Variants in PDXDC1 observed in about 807,000 individuals in gnomAD.
PDXDC1 encodes pyridoxal dependent decarboxylase domain containing 1.
A neutral mutation model predicts 100.1 loss-of-function variants in PDXDC1; 42 were observed. The observed-to-expected ratio is 0.42, with a 90% CI of 0.33 to 0.54. PDXDC1 has a LOEUF of 0.54. Among genes scored for constraint, PDXDC1 ranks in the 20% least tolerant of loss-of-function variants. The probability of loss-of-function intolerance (pLI) is 0.10; values close to 1 mark genes in which losing one functional copy is unlikely to be tolerated. For synonymous variants in PDXDC1, 260 were observed against 371.7 expected (o/e 0.70, Z 3.46); for missense variants, 636 against 979.2 (o/e 0.65, Z 4.68).
intron 16 of PDXDC1, among the ~76,000 whole-genome samples, chr16:15,082,144 C>T (rs1219774927): frequency 1.3e-5 from 2 of 152,154 alleles, no homozygotes; most frequent in Admixed American, 6.5e-5. Flanking sequence ...CAAGAGCGGA[C>T]ATCCTTGTTT....
the PDXDC1 span, among the ~76,000 whole-genome samples, chr16:15,150,424 G>C: frequency 1.3e-5 from 2 of 151,126 alleles, 1 homozygote; most frequent in South Asian, 4.2e-4. Flanking sequence ...CAGCACTTCG[G>C]GAGGCCGAGG....
At chr16:14,988,731 T>C in intron 1 of PDXDC1, 1 of 1,613,840 alleles carries the variant, frequency 6.2e-7, no homozygotes, top group Non-Finnish European at 8.5e-7. Context: ...ATAGCTGTTC[T>C]GCAGCACGTC....
chr16:15,001,378 A>G (rs1597405769), intron 3 of PDXDC1, among the ~76,000 whole-genome samples: 2 of 152,092 alleles, frequency 1.3e-5, no homozygotes, highest in Admixed American at 1.3e-4. Context: ...AATCTCAGCT[A>G]CTCAGGAGGC....
intron 12 of PDXDC1, among the ~76,000 whole-genome samples, chr16:15,021,319 G>A (rs547855077): frequency 2.8e-4 from 43 of 152,318 alleles, no homozygotes; most frequent in African/African-American, 9.4e-4. Flanking sequence ...CAAGGTTGCC[G>A]TGAGCCCAAA....
chr16:15,050,973 G>C (rs1164772156), intron 16 of PDXDC1, among the ~76,000 whole-genome samples: 16 of 152,190 alleles, frequency 1.1e-4, no homozygotes, highest in Non-Finnish European at 1.5e-5. Flanking sequence ...AAACAGGTGT[G>C]ACTGCTCTAA....
At chr16:15,100,501 A>G (rs2046504073) in intron 16 of PDXDC1, among the ~76,000 whole-genome samples, 1 of 152,116 alleles carries the variant, frequency 6.6e-6, no homozygotes, top group Non-Finnish European at 1.5e-5. Context: ...GGCCAACCAG[A>G]TACTTCTCTG....
intron 8 of PDXDC1, among the ~76,000 whole-genome samples, chr16:15,010,140 G>A (rs1415975631): frequency 2.0e-5 from 3 of 152,282 alleles, no homozygotes; most frequent in African/African-American, 4.8e-5. Flanking sequence ...TCTGCCTCCC[G>A]GGTTCAAGTG....
rs372670956 is a variant in PDXDC1 at position 15,079,712 on chromosome 16, C to T, written c.1399+49656C>T. 8.7e-3 allele frequency among the ~76,000 whole-genome samples: 1,325 copies of T among 152,254 alleles called. 10 individuals are homozygous for T. Among genetic ancestry groups the T allele is most frequent in the Non-Finnish European group, 0.013 (866 of 68,022 alleles). The stretch of plus-strand genomic sequence containing the variant: ...GATTCAAGCAATTCTCCCACCTCAG[C>T]CTCCTGAGTAGCTGGGATTACAGGC... On this transcript the variant is annotated intron_variant, in intron 16 of 16. Transcript: ENST00000535621.
chr16:14,986,296 G>A (rs1213622426), intron 1 of PDXDC1, among the ~76,000 whole-genome samples: 10 of 152,274 alleles, frequency 6.6e-5, no homozygotes, highest in African/African-American at 9.6e-5. Flanking sequence ...GTAAGATCCC[G>A]TCTCTACTAA....
In PDXDC1 at chr16:15,031,854, G is replaced by A. The variant is rs756799022; in HGVS notation, c.1519G>A (p.Ala507Thr). 7 of 1,613,860 alleles carry A rather than the reference G, an allele frequency of 4.3e-6. No individual in the cohort carries two copies. Among genetic ancestry groups the A allele is most frequent in the Non-Finnish European group, 5.1e-6 (6 of 1,179,922 alleles). The part of the protein sequence containing the change: ...EEFKQEVEAT[A>T]GLLYVDDPNW... ...GTTCAAGCAGGAAGTGGAAGCAACA[G>A]CAGGTCTCCTATATGTTGATGACCC... Residue 507 changes from alanine to threonine, a missense_variant, in exon 17 of 23, where the codon GCA (alanine) becomes ACA (threonine). Coordinates refer to ENST00000396410, the MANE Select transcript of PDXDC1 (RefSeq NM_015027.4).
intron 8 of PDXDC1, among the ~76,000 whole-genome samples, chr16:15,015,613 A>G (rs2041729248): frequency 1.3e-5 from 2 of 152,228 alleles, no homozygotes; most frequent in Non-Finnish European, 1.5e-5. Context: ...CCTACTTGGG[A>G]GGCTGAGGCA....
intron 16 of PDXDC1, among the ~76,000 whole-genome samples, chr16:15,066,273 C>T (rs569024178): frequency 1.3e-4 from 20 of 152,252 alleles, no homozygotes; most frequent in South Asian, 4.1e-4. Flanking sequence ...CGCAGCTGAC[C>T]GCACTTCCGG....
chr16:15,110,148 G>GTA (rs2046983043), intron 16 of PDXDC1, among the ~76,000 whole-genome samples: 1 of 128,402 alleles, frequency 7.8e-6, no homozygotes, highest in Non-Finnish European at 1.7e-5. Flanking sequence ...CCCATCTCAG[G>GTA]AAAAAAAAAA....
chr16:15,006,713 T>C (rs1203826234), intron 6 of PDXDC1, 130 bp downstream of exon 6: 2 of 911,578 alleles, frequency 2.2e-6, no homozygotes, highest in African/African-American at 1.7e-5. Flanking sequence ...TATGCTTTTG[T>C]CATATTTGTA....
intron 16 of PDXDC1, among the ~76,000 whole-genome samples, chr16:15,099,894 T>C (rs1167892615): frequency 6.6e-6 from 1 of 152,184 alleles, no homozygotes; most frequent in Non-Finnish European, 1.5e-5. Context: ...CAGCTACCCC[T>C]AGAGTAGTTC....
chr16:15,010,421 A>C (rs2041162575), intron 8 of PDXDC1: 1 of 154,752 alleles, frequency 6.5e-6, no homozygotes, highest in Admixed American at 6.5e-5. Flanking sequence ...GGAGACAAGC[A>C]AGATGTTGGC....
downstream of PDXDC1, among the ~76,000 whole-genome samples, chr16:15,142,420 T>G (rs1336238938): frequency 6.6e-6 from 1 of 151,908 alleles, no homozygotes; most frequent in Non-Finnish European, 1.5e-5. Context: ...TGCAGCAAGG[T>G]CTTGGGGACC....
At chr16:15,000,022 C>G (rs1411090950) in intron 3 of PDXDC1, among the ~76,000 whole-genome samples, 4 of 152,298 alleles carry the variant, frequency 2.6e-5, no homozygotes, top group Non-Finnish European at 5.9e-5. Context: ...CTTTAAAAGT[C>G]ACTCCTATTC....
At chr16:15,049,409 A>G (rs1597805279) in intron 16 of PDXDC1, among the ~76,000 whole-genome samples, 1 of 150,824 alleles carries the variant, frequency 6.6e-6, no homozygotes, top group South Asian at 2.1e-4. Flanking sequence ...AAATATGTTC[A>G]TCCCTGTGTT....
Sources: allele counts gnomAD v4.1 joint callset (sites outside exome capture counted in the v4.1 genomes callset), GRCh38; gene constraint gnomAD v4.1.1; transcripts MANE v1.5; gene names NCBI Gene and HGNC (gene_info 2026-07-23, HGNC 2026-07-21).